The following SAMD4A variants were observed in gnomAD, a reference collection of about 807,000 sequenced individuals.
The protein encoded by SAMD4A is sterile alpha motif domain containing 4A.
In SAMD4A, 33 loss-of-function variants were observed where a neutral mutation model predicts 81.3. The ratio of observed to expected loss-of-function variants is 0.41; its 90% CI spans 0.31 to 0.54. The LOEUF (loss-of-function observed/expected upper bound fraction) is 0.54, where lower values mean the gene tolerates loss of function less well. Among genes scored for constraint, SAMD4A ranks in the 20% least tolerant of loss-of-function variants. The pLI is 0.37. For missense variants in SAMD4A, 854 were observed against 951.1 expected (o/e 0.90, Z 1.34); for synonymous variants, 389 against 382.1 (o/e 1.02, Z -0.21).
chr14:54,716,674 A>T (rs2037126260), intron 3 of SAMD4A, among the ~76,000 whole-genome samples: 1 of 152,204 alleles, frequency 6.6e-6, no homozygotes, highest in Admixed American at 6.5e-5. Flanking sequence ...GTGAATATAA[A>T]GTATTGAAAA....
intron 2 of SAMD4A, among the ~76,000 whole-genome samples, chr14:54,687,773 G>A (rs1335174283): frequency 6.6e-6 from 1 of 152,112 alleles, no homozygotes; most frequent in East Asian, 1.9e-4. Context: ...GGAATGGGAG[G>A]GTAAGGGCCT....
rs1566557252 is a variant in SAMD4A at position 54,630,955 on chromosome 14, T to TGTGA, written c.196+62844_196+62845insTGAG. ...GTGTGTGTGTGTGTGTGTGTGTGTG[T>TGTGA]GATGAGAAATCGGCTCACATGTGTA... On this transcript the variant is annotated intron_variant, in intron 2 of 12. Transcript: ENST00000554335. Among the ~76,000 whole-genome samples, 325 of 133,882 alleles carry TGTGA rather than the reference T, an allele frequency of 2.4e-3. 4 individuals carry two copies. Among genetic ancestry groups the TGTGA allele is most frequent in the African/African-American group, 8.4e-3 (303 of 36,074 alleles). The allele number at this position is 133,882 out of a possible 152,430, so 87.8% of individuals were successfully genotyped here.
intron 2 of SAMD4A, among the ~76,000 whole-genome samples, chr14:54,680,073 T>C (rs2036093973): frequency 1.3e-5 from 2 of 152,246 alleles, no homozygotes; most frequent in South Asian, 4.1e-4. Flanking sequence ...GGGTGGCTCA[T>C]GCCCAATTCC....
chr14:54,757,425 G>GTGTGTGTGTGTTT (rs146340671), intron 6 of SAMD4A, among the ~76,000 whole-genome samples: 209 of 136,098 alleles, frequency 1.5e-3, no homozygotes, highest in South Asian at 4.4e-3. Context: ...GTGTGTGTGT[G>GTGTGTGTGTGTTT]TGTTTTGTTT....
intron 2 of SAMD4A, among the ~76,000 whole-genome samples, chr14:54,687,576 G>A (rs1023204226): frequency 5.9e-5 from 9 of 152,176 alleles, no homozygotes; most frequent in Non-Finnish European, 5.9e-5. Context: ...CATCTGGGCC[G>A]GCGATGCTTG....
At chr14:54,734,592 T>C (rs2037644236) in intron 3 of SAMD4A, among the ~76,000 whole-genome samples, 1 of 152,144 alleles carries the variant, frequency 6.6e-6, no homozygotes, top group African/African-American at 2.4e-5. Flanking sequence ...TCCCTGTAAG[T>C]CCATTAAGTT....
chr14:54,683,000 G>C (rs1197381117), intron 2 of SAMD4A, among the ~76,000 whole-genome samples: 1 of 152,192 alleles, frequency 6.6e-6, no homozygotes, highest in East Asian at 1.9e-4. Context: ...TGTGCTGCTG[G>C]AGGGGGCCCT....
intron 2 of SAMD4A, among the ~76,000 whole-genome samples, chr14:54,584,559 CAAAAT>C (rs1193002141): frequency 6.6e-6 from 1 of 152,004 alleles, no homozygotes; most frequent in Non-Finnish European, 1.5e-5. Flanking sequence ...AGTAGGCACA[CAAAAT>C]AAAATTTGTT....
intron 2 of SAMD4A, among the ~76,000 whole-genome samples, chr14:54,568,783 A>G (rs2033042016): frequency 7.0e-6 from 1 of 143,182 alleles, no homozygotes; most frequent in Admixed American, 7.1e-5. Context: ...CCATATTGAT[A>G]CGGATCTTGT....
intron 2 of SAMD4A, among the ~76,000 whole-genome samples, chr14:54,606,653 TAACTC>T (rs1179254774): frequency 1.3e-5 from 2 of 152,248 alleles, no homozygotes; most frequent in Non-Finnish European, 2.9e-5. Flanking sequence ...TTCTAGGAAA[TAACTC>T]TATATACTGT....
At chr14:54,788,555 G>A (rs2039198566) in intron 12 of SAMD4A, among the ~76,000 whole-genome samples, 2 of 152,104 alleles carry the variant, frequency 1.3e-5, no homozygotes, top group Admixed American at 6.5e-5. Context: ...CAGGCCAACC[G>A]GGCAGCCATC....
intron 2 of SAMD4A, among the ~76,000 whole-genome samples, chr14:54,603,650 A>G (rs2034120211): frequency 6.6e-6 from 1 of 152,158 alleles, no homozygotes; most frequent in Admixed American, 6.5e-5. Context: ...TCTATGAATA[A>G]GTAGTTAGAC....
chr14:54,752,776 G>A (rs1488362928), intron 6 of SAMD4A, among the ~76,000 whole-genome samples: 1 of 152,138 alleles, frequency 6.6e-6, no homozygotes, highest in Non-Finnish European at 1.5e-5. Flanking sequence ...TGAGTTCCCT[G>A]TTTTTATTGG....
chr14:54,597,766 T>G (rs1190064776), intron 2 of SAMD4A, among the ~76,000 whole-genome samples: 1 of 151,790 alleles, frequency 6.6e-6, no homozygotes, highest in African/African-American at 2.4e-5. Flanking sequence ...ATTTTTGTAT[T>G]TTTTTAATAG....
chr14:54,733,059 A>C (rs887143846), intron 3 of SAMD4A, among the ~76,000 whole-genome samples: 4 of 152,196 alleles, frequency 2.6e-5, no homozygotes, highest in Non-Finnish European at 5.9e-5. Flanking sequence ...AAGAGTTCTC[A>C]TTAAAGATGC....
intron 2 of SAMD4A, among the ~76,000 whole-genome samples, chr14:54,674,647 TGAGAA>T (rs2035952508): frequency 6.6e-6 from 1 of 152,226 alleles, no homozygotes. Flanking sequence ...GTCAAAGACA[TGAGAA>T]GAGAATCTAT....
At chr14:54,774,813 C>T in intron 9 of SAMD4A, 121 bp from the exon 10 acceptor site, 1 of 642,010 alleles carries the variant, frequency 1.6e-6, no homozygotes, top group Non-Finnish European at 2.4e-6. Flanking sequence ...GACCCTGACT[C>T]AAAAAAAAAA....
chr14:54,649,524 C>T (rs1490873165), intron 2 of SAMD4A, among the ~76,000 whole-genome samples: 1 of 152,156 alleles, frequency 6.6e-6, no homozygotes, highest in Non-Finnish European at 1.5e-5. Flanking sequence ...AGGAGTGGGC[C>T]ACAGAGTATT....
At chr14:54,694,986 G>A (rs2036541459) in intron 2 of SAMD4A, 1 of 930,916 alleles carries the variant, frequency 1.1e-6, no homozygotes, top group Non-Finnish European at 1.3e-6. Context: ...TGCCTTTTGA[G>A]GATGGTCAGA....
Sources: allele counts gnomAD v4.1 joint callset (sites outside exome capture counted in the v4.1 genomes callset), GRCh38; gene constraint gnomAD v4.1.1; transcripts MANE v1.5; gene names NCBI Gene and HGNC (gene_info 2026-07-23, HGNC 2026-07-21).